Variants in SPOCK3 observed in about 807,000 individuals in gnomAD.
SPOCK3 encodes the protein testican-3.
Under a neutral mutation model 56.6 loss-of-function variants are expected in SPOCK3, and 30 were observed. The observed-to-expected ratio is 0.53, with a 90% confidence interval of 0.40 to 0.72. The LOEUF (loss-of-function observed/expected upper bound fraction) is 0.72. Among genes scored for constraint, SPOCK3 ranks in the 30% least tolerant of loss-of-function variants. The pLI is 0.00. For synonymous variants in SPOCK3, 196 were observed against 183.3 expected, an observed-to-expected ratio of 1.07 and a Z score of -0.56; for missense variants, 527 against 530.0, an observed-to-expected ratio of 0.99 and a Z score of 0.06.
intron 6 of SPOCK3, among the ~76,000 whole-genome samples, chr4:166,853,798 C>T (rs1490179071): frequency 6.6e-6 from 1 of 151,986 alleles, no homozygotes; most frequent in Non-Finnish European, 1.5e-5. Flanking sequence ...ATGAGAATAG[C>T]TTGAACCCAG....
rs561661111 is a variant in SPOCK3, at chr4:166,859,019, T to G, written c.589+30111A>C. ...GGTAATGTAATAGAGGTTGTCACAT[T>G]ATAGCACAATGCTTTACCTTTTTTA... On this transcript the variant is annotated intron_variant, in intron 6 of 10. Coordinates refer to ENST00000357545, the MANE Select transcript of SPOCK3 (RefSeq NM_001040159.2). Among the ~76,000 whole-genome samples the G allele has an allele frequency of 5.3e-5, 8 of 152,326 alleles. No individual in the cohort carries two copies. In the South Asian group the frequency reaches 1.2e-3, roughly 24 times the overall value.
chr4:167,032,158 C>T (rs1032803075), intron 3 of SPOCK3, among the ~76,000 whole-genome samples: 18 of 151,906 alleles, frequency 1.2e-4, no homozygotes, highest in African/African-American at 4.3e-4. Flanking sequence ...TAAATAAAAT[C>T]AAGATTTTAG....
At chr4:166,907,616 C>T (rs1462124943) in intron 5 of SPOCK3, among the ~76,000 whole-genome samples, 2 of 152,046 alleles carry the variant, frequency 1.3e-5, no homozygotes, top group African/African-American at 2.4e-5. Flanking sequence ...GTGTTGGAAA[C>T]AAAATCAGTG....
intron 2 of SPOCK3, among the ~76,000 whole-genome samples, chr4:167,107,797 A>G (rs1206299589): frequency 1.3e-5 from 2 of 151,982 alleles, no homozygotes; most frequent in African/African-American, 4.8e-5. Flanking sequence ...TCTATATGCC[A>G]ACAGTGAGCA....
intron 5 of SPOCK3, among the ~76,000 whole-genome samples, chr4:166,894,834 C>T (rs191129498): frequency 3.6e-4 from 55 of 152,140 alleles, no homozygotes; most frequent in African/African-American, 9.2e-4. Flanking sequence ...ATTATTAATA[C>T]GAATATTTTA....
At chr4:167,097,405 G>A (rs1219116640) in intron 2 of SPOCK3, among the ~76,000 whole-genome samples, 1 of 151,078 alleles carries the variant, frequency 6.6e-6, no homozygotes, top group Non-Finnish European at 1.5e-5. Flanking sequence ...TTAGGCTTCT[G>A]TTAATACTGC....
chr4:167,130,709 G>T (rs1209081721), intron 2 of SPOCK3, among the ~76,000 whole-genome samples: 1 of 152,040 alleles, frequency 6.6e-6, no homozygotes, highest in Non-Finnish European at 1.5e-5. Context: ...TACAAGGTAT[G>T]ACTAACAATT....
chr4:167,055,741 G>C lies in SPOCK3; in HGVS notation c.235+6751C>G, dbSNP rs566495110. Among the ~76,000 whole-genome samples the C allele has an allele frequency of 2.6e-5, 4 of 152,350 alleles. No homozygotes were observed. In the East Asian group the frequency reaches 7.7e-4, roughly 29 times the overall value. On this transcript the variant is annotated intron_variant, in intron 3 of 10. Transcript: ENST00000357545. The stretch of plus-strand genomic sequence containing the variant: ...AGATCAAACTGCAAGGCTGCAGCGA[G>C]GCTGGGGGAGGGAGCCCGCCATTGC...
At chr4:166,830,811 C>T (rs760058312) in intron 6 of SPOCK3, among the ~76,000 whole-genome samples, 7 of 151,972 alleles carry the variant, frequency 4.6e-5, no homozygotes, top group Non-Finnish European at 8.8e-5. Flanking sequence ...AAAGTGTGAT[C>T]AACAAGGTAG....
chr4:166,954,329 T>C (rs1743120481), intron 4 of SPOCK3, among the ~76,000 whole-genome samples: 2 of 152,198 alleles, frequency 1.3e-5, no homozygotes, highest in Admixed American at 1.3e-4. Flanking sequence ...TGTCTATTCT[T>C]GCTTTGTTGC....
chr4:167,205,294 TCTATA>T (rs1733991954), intron 2 of SPOCK3, among the ~76,000 whole-genome samples: 2 of 48,404 alleles, frequency 4.1e-5, no homozygotes, highest in African/African-American at 7.3e-5. Flanking sequence ...ATATTTTATA[TCTATA>T]ATATATATTA....
intron 2 of SPOCK3, among the ~76,000 whole-genome samples, chr4:167,068,537 TA>T (rs2150259919): frequency 6.6e-6 from 1 of 151,868 alleles, no homozygotes; most frequent in South Asian, 2.1e-4. Flanking sequence ...AAATTTTGAA[TA>T]AAATATATGG....
chr4:166,897,389 A>G (rs1004542004), intron 5 of SPOCK3, among the ~76,000 whole-genome samples: 1 of 152,160 alleles, frequency 6.6e-6, no homozygotes, highest in African/African-American at 2.4e-5. Flanking sequence ...GTCTCCTTCT[A>G]GAAGAGAGAG....
chr4:167,006,739 C>G (rs1031998793), intron 3 of SPOCK3, among the ~76,000 whole-genome samples: 1 of 152,108 alleles, frequency 6.6e-6, no homozygotes. Flanking sequence ...TAATTTTTCA[C>G]TATTTTTAAA....
chr4:167,066,876 T>C (rs76849517), intron 2 of SPOCK3, among the ~76,000 whole-genome samples: 1,893 of 152,000 alleles, frequency 0.012, 21 homozygotes, highest in Non-Finnish European at 0.018. Context: ...CCTGTTCCAA[T>C]AACTGGTTAC....
intron 2 of SPOCK3, among the ~76,000 whole-genome samples, chr4:167,211,178 C>T (rs569514509): frequency 5.3e-5 from 8 of 152,230 alleles, no homozygotes; most frequent in African/African-American, 1.7e-4. Flanking sequence ...GACTTGCGTG[C>T]GGCCTGTAGC....
chr4:167,233,949 C>G (rs747070883), intron 2 of SPOCK3, 36 bp downstream of exon 2: 1 of 1,584,602 alleles, frequency 6.3e-7, no homozygotes, highest in Non-Finnish European at 8.7e-7. Context: ...GAGCAGCGCG[C>G]GCGTGTGCCC....
chr4:166,959,351 A>T (rs1403095869), intron 4 of SPOCK3, among the ~76,000 whole-genome samples: 1 of 152,124 alleles, frequency 6.6e-6, no homozygotes, highest in Non-Finnish European at 1.5e-5. Context: ...GTGGTGGCTC[A>T]TGCCTGTAAT....
chr4:167,206,416 AATAT>A (rs1215516713), intron 2 of SPOCK3, among the ~76,000 whole-genome samples: 1 of 151,344 alleles, frequency 6.6e-6, no homozygotes, highest in African/African-American at 2.4e-5. Context: ...TATGTGTATA[AATAT>A]ATATATCTGC....
Sources: gnomAD v4.1 joint callset for allele counts (sites outside exome capture counted in the v4.1 genomes callset) on GRCh38, gnomAD v4.1.1 for gene constraint, MANE v1.5 for transcripts, NCBI Gene and HGNC (gene_info 2026-07-23, HGNC 2026-07-21) for gene names.